Variants in ARHGEF3 observed in about 807,000 individuals in gnomAD.
ARHGEF3 encodes the protein Rho guanine nucleotide exchange factor 3.
ARHGEF3 carries 28 observed loss-of-function variants against 63.2 expected under a neutral mutation model. The observed-to-expected ratio is 0.44, with a 90% CI of 0.33 to 0.61. The LOEUF is 0.61. ARHGEF3 is among the 20% of genes least tolerant of loss of function. The pLI is 0.03. For missense variants in ARHGEF3, 533 were observed against 659.3 expected (o/e 0.81, Z 2.10); for synonymous variants, 266 against 254.2 (o/e 1.05, Z -0.44).
intron 8 of ARHGEF3, among the ~76,000 whole-genome samples, chr3:56,735,771 C>T (rs1488041845): frequency 6.6e-6 from 1 of 152,196 alleles, no homozygotes; most frequent in African/African-American, 2.4e-5. Flanking sequence ...CTTCAAGCAA[C>T]AGACTTGACA....
chr3:57,068,194 G>T (rs1160549796), intron 1 of ARHGEF3, among the ~76,000 whole-genome samples: 3 of 138,592 alleles, frequency 2.2e-5, no homozygotes, highest in Non-Finnish European at 3.1e-5. Context: ...CACACACCAG[G>T]TTACCAGGTT....
At chr3:56,873,685 C>T (rs7627527) in intron 4 of ARHGEF3, among the ~76,000 whole-genome samples, 143,998 of 152,190 alleles carry the variant, frequency 0.95, 68,635 homozygotes, top group East Asian at 1. Context: ...TTTGGGATTA[C>T]AGGTGTGAGC....
At chr3:56,747,593 T>G (rs2107742544) in intron 6 of ARHGEF3, among the ~76,000 whole-genome samples, 1 of 152,320 alleles carries the variant, frequency 6.6e-6, no homozygotes, top group South Asian at 2.1e-4. Context: ...ATCATATTAC[T>G]TTGGGAGGCA....
upstream of ARHGEF3, among the ~76,000 whole-genome samples, chr3:56,804,135 T>G (rs2037781546): frequency 6.6e-6 from 1 of 152,148 alleles, no homozygotes; most frequent in Admixed American, 6.5e-5. Flanking sequence ...TCCACCTGCC[T>G]CAACCACCCA....
chr3:56,789,398 T>C lies in ARHGEF3; in HGVS notation c.96+12305A>G, dbSNP rs374164584. 5.3e-5 allele frequency among the ~76,000 whole-genome samples: 8 copies of C among 152,348 alleles called. No individual in the cohort carries two copies. In the East Asian group the frequency reaches 1.5e-3, roughly 29 times the overall value. ...GGCACTTTGGCATGTTCTTTGACGC[T>C]TTGAAAAGAAAAAGATTTATGTTCT... On this transcript the variant is annotated intron_variant, in intron 1 of 9. Transcript: ENST00000296315.
chr3:56,895,225 G>C (rs1030680405), intron 3 of ARHGEF3, among the ~76,000 whole-genome samples: 1 of 152,124 alleles, frequency 6.6e-6, no homozygotes, highest in African/African-American at 2.4e-5. Flanking sequence ...TGGCTTTCAC[G>C]TTATTGTTCT....
chr3:57,056,831 G>A (rs1461298767), intron 1 of ARHGEF3, among the ~76,000 whole-genome samples: 1 of 151,986 alleles, frequency 6.6e-6, no homozygotes, highest in Non-Finnish European at 1.5e-5. Flanking sequence ...GGGATTGAAG[G>A]GCATTCAGTC....
chr3:57,021,960 A>G (rs376301567), intron 2 of ARHGEF3, among the ~76,000 whole-genome samples: 1 of 152,172 alleles, frequency 6.6e-6, no homozygotes, highest in South Asian at 2.1e-4. Flanking sequence ...AAAACTAGAT[A>G]ATATTAATCA....
intron 4 of ARHGEF3, chr3:56,882,161 T>TC: frequency 1.2e-6 from 1 of 818,742 alleles, no homozygotes; most frequent in Non-Finnish European, 1.9e-6. Context: ...AAAAAAAATT[T>TC]CCCCCAGGTC....
chr3:56,848,369 G>A (rs1245938955), intron 4 of ARHGEF3, among the ~76,000 whole-genome samples: 2 of 152,152 alleles, frequency 1.3e-5, no homozygotes, highest in Non-Finnish European at 2.9e-5. Flanking sequence ...CCACATGCTA[G>A]CTCTGTAGCT....
chr3:57,047,629 AT>A (rs1704511416), intron 1 of ARHGEF3, among the ~76,000 whole-genome samples: 1 of 152,160 alleles, frequency 6.6e-6, no homozygotes, highest in Non-Finnish European at 1.5e-5. Flanking sequence ...TTCCTCCTTT[AT>A]AAAAACAAAC....
intron 4 of ARHGEF3, among the ~76,000 whole-genome samples, chr3:56,837,599 T>A (rs2039158404): frequency 6.6e-6 from 1 of 152,044 alleles, no homozygotes. Flanking sequence ...GGGCAAAAAA[T>A]GTTGTATGGA....
chr3:56,732,866 G>C (rs908545103), intron 8 of ARHGEF3, among the ~76,000 whole-genome samples: 1 of 152,210 alleles, frequency 6.6e-6, no homozygotes, highest in Non-Finnish European at 1.5e-5. Context: ...TAAGTAATCA[G>C]GCCGGATGTG....
intron 2 of ARHGEF3, among the ~76,000 whole-genome samples, chr3:56,965,270 G>A (rs73093608): frequency 0.14 from 20,734 of 151,934 alleles, 1,568 homozygotes; most frequent in East Asian, 0.25. Context: ...AATAAATAAC[G>A]ACTACAATAA....
chr3:56,776,399 A>C (rs2036288074), intron 1 of ARHGEF3, among the ~76,000 whole-genome samples: 1 of 152,246 alleles, frequency 6.6e-6, no homozygotes. Flanking sequence ...CAATTGAACC[A>C]GAAGCCGTTG....
chr3:56,832,682 T>C (rs745394393), intron 4 of ARHGEF3, among the ~76,000 whole-genome samples: 5 of 152,254 alleles, frequency 3.3e-5, no homozygotes, highest in African/African-American at 7.2e-5. Flanking sequence ...GTGATCATTA[T>C]ATTCACAATG....
chr3:56,946,666 G>A (rs569820080), intron 3 of ARHGEF3, among the ~76,000 whole-genome samples: 13 of 152,326 alleles, frequency 8.5e-5, no homozygotes, highest in African/African-American at 2.9e-4. Context: ...GTACCTGAAA[G>A]TGATGGGGAG....
At chr3:56,748,099 A>G (rs2034502025) in intron 6 of ARHGEF3, among the ~76,000 whole-genome samples, 1 of 152,202 alleles carries the variant, frequency 6.6e-6, no homozygotes, top group Non-Finnish European at 1.5e-5. Context: ...CAGTGGCATG[A>G]TCATGGCTTA....
chr3:57,023,913 T>C (rs557502817), intron 2 of ARHGEF3, among the ~76,000 whole-genome samples: 23 of 152,386 alleles, frequency 1.5e-4, no homozygotes, highest in African/African-American at 5.3e-4. Context: ...AGAGTCGGCC[T>C]GTGCCATTCA....
Sources: gnomAD v4.1 joint callset for allele counts (sites outside exome capture counted in the v4.1 genomes callset) on GRCh38, gnomAD v4.1.1 for gene constraint, MANE v1.5 for transcripts, NCBI Gene and HGNC (gene_info 2026-07-23, HGNC 2026-07-21) for gene names.